The following CCSER1 variants were observed in gnomAD, a reference collection of about 807,000 sequenced individuals.
CCSER1 encodes coiled-coil serine rich protein 1.
CCSER1 carries 41 observed loss-of-function variants against 82.0 expected under a neutral mutation model. The observed-to-expected ratio is 0.50, with a 90% CI of 0.39 to 0.65. The LOEUF (loss-of-function observed/expected upper bound fraction) is 0.65. CCSER1 is among the 30% of genes least tolerant of loss of function. The pLI is 0.00. For missense variants in CCSER1, 1,119 were observed against 1,064.2 expected, an observed-to-expected ratio of 1.05 and a Z score of -0.72; for synonymous variants, 414 against 383.9, an observed-to-expected ratio of 1.08 and a Z score of -0.92.
At chr4:90,315,854 A>G (rs945197085) in intron 3 of CCSER1, among the ~76,000 whole-genome samples, 1 of 152,226 alleles carries the variant, frequency 6.6e-6, no homozygotes, top group Admixed American at 6.5e-5. Flanking sequence ...TATGTTTTTT[A>G]ACTTGTAGCA....
intron 5 of CCSER1, among the ~76,000 whole-genome samples, chr4:90,497,369 T>C (rs552762005): frequency 2.6e-5 from 4 of 152,320 alleles, no homozygotes; most frequent in Admixed American, 1.3e-4. Context: ...TCCTATATTA[T>C]GCTATGAAGA....
chr4:90,548,623 G>A (rs1338868757), intron 5 of CCSER1, among the ~76,000 whole-genome samples: 1 of 151,808 alleles, frequency 6.6e-6, no homozygotes, highest in Non-Finnish European at 1.5e-5. Context: ...CTAGTGAGTG[G>A]TAGGACCTGG....
chr4:90,686,894 G>C (rs1734901828), intron 6 of CCSER1, among the ~76,000 whole-genome samples: 1 of 152,116 alleles, frequency 6.6e-6, no homozygotes, highest in South Asian at 2.1e-4. Context: ...TCGGCATCAG[G>C]ATGCTTCTGT....
intron 10 of CCSER1, among the ~76,000 whole-genome samples, chr4:91,185,656 T>TTTG (rs1734467418): frequency 6.6e-6 from 1 of 152,238 alleles, no homozygotes; most frequent in Admixed American, 6.5e-5. Context: ...TTCCCTTCTT[T>TTTG]ATCAAACTTA....
chr4:90,413,829 G>C (rs1268589427), intron 4 of CCSER1, among the ~76,000 whole-genome samples: 1 of 148,080 alleles, frequency 6.8e-6, no homozygotes, highest in Admixed American at 6.7e-5. Flanking sequence ...GGCGCCTGTA[G>C]TTCCAGCTAC....
intron 1 of CCSER1, among the ~76,000 whole-genome samples, chr4:90,169,067 A>T (rs1731117231): frequency 6.6e-6 from 1 of 152,074 alleles, no homozygotes; most frequent in Non-Finnish European, 1.5e-5. Flanking sequence ...TACCTTGGGC[A>T]GTATGGCCAT....
intron 9 of CCSER1, among the ~76,000 whole-genome samples, chr4:91,048,670 CATG>C (rs1252921365): frequency 2.0e-5 from 3 of 152,140 alleles, no homozygotes; most frequent in Non-Finnish European, 4.4e-5. Context: ...CTCCTTCACT[CATG>C]ATCGGCATAT....
At chr4:90,576,267 A>G (rs1019963499) in intron 5 of CCSER1, among the ~76,000 whole-genome samples, 13 of 152,130 alleles carry the variant, frequency 8.5e-5, no homozygotes, top group Non-Finnish European at 1.5e-5. Context: ...AGATGGTACA[A>G]AAATTTCCCA....
intron 8 of CCSER1, among the ~76,000 whole-genome samples, chr4:90,919,087 A>G (rs1727983133): frequency 9.4e-6 from 1 of 106,470 alleles, no homozygotes; most frequent in African/African-American, 5.2e-5. Flanking sequence ...TTGTTTCCAC[A>G]GTAAAAAAAA....
intron 5 of CCSER1, among the ~76,000 whole-genome samples, chr4:90,604,980 G>C (rs989142676): frequency 6.7e-6 from 1 of 150,006 alleles, no homozygotes; most frequent in South Asian, 2.1e-4. Flanking sequence ...GCCCCAGCCA[G>C]CAGCGGCAAC....
In CCSER1 at chr4:90,430,031, TAG is replaced by T. The variant is rs559460414; in HGVS notation, c.1603+29904_1603+29905del. Among the ~76,000 whole-genome samples, 595 of 151,940 alleles carry T rather than the reference TAG, an allele frequency of 3.9e-3. 3 individuals are homozygous for T. The highest frequency in any genetic ancestry group is 0.013 in the African/African-American group (543 of 41,538). Reference sequence around the variant, plus strand: ...ACCTGATGTTCGTAGAATATACAGGTAGACTTTAAGTCCGCTCAAAAATCTAA... The same window carrying T: ...ACCTGATGTTCGTAGAATATACAGGTACTTTAAGTCCGCTCAAAAATCTAA... On this transcript the variant is annotated intron_variant, in intron 4 of 10. Transcript: ENST00000509176.
intron 8 of CCSER1, among the ~76,000 whole-genome samples, chr4:90,816,834 GAT>G (rs1378755071): frequency 6.6e-6 from 1 of 152,092 alleles, no homozygotes; most frequent in Non-Finnish European, 1.5e-5. Flanking sequence ...ATATTAGTGA[GAT>G]ATTGGAGAAA....
At chr4:90,152,961 T>C (rs937661686) in intron 1 of CCSER1, among the ~76,000 whole-genome samples, 4 of 151,496 alleles carry the variant, frequency 2.6e-5, no homozygotes, top group African/African-American at 9.7e-5. Flanking sequence ...TGTATACATG[T>C]GCCATGCTGC....
At chr4:91,092,133 C>G (rs1724027591) in intron 10 of CCSER1, among the ~76,000 whole-genome samples, 2 of 152,152 alleles carry the variant, frequency 1.3e-5, no homozygotes, top group African/African-American at 2.4e-5. Flanking sequence ...TTTCCCTAAA[C>G]TATTTTTGAT....
chr4:90,773,501 G>A (rs887472379), intron 7 of CCSER1, among the ~76,000 whole-genome samples: 2 of 152,086 alleles, frequency 1.3e-5, no homozygotes, highest in Non-Finnish European at 2.9e-5. Context: ...AGTGATGATG[G>A]TTAGGTTTGT....
chr4:91,210,816 A>G (rs1444448078), intron 10 of CCSER1, among the ~76,000 whole-genome samples: 1 of 151,902 alleles, frequency 6.6e-6, no homozygotes, highest in East Asian at 1.9e-4. Flanking sequence ...TCTGAGGATT[A>G]GGTGATAGTA....
In CCSER1 at chr4:90,308,566, A is replaced by G; in HGVS notation, c.282A>G (p.Gln94=). 1 of 1,613,970 alleles carries G rather than the reference A, an allele frequency of 6.2e-7. No individual in the cohort carries two copies. Among genetic ancestry groups the G allele is most frequent in the Non-Finnish European group, 8.5e-7 (1 of 1,179,862 alleles). ...ACCTTAGTATTTCAAATGGTGCTCA[A>G]CCTGGTCACAGCAATATGCAGAAAC... ...NQNLSISNGA[Q]PGHSNMQKLS... The change falls in exon 2 of 11, where the codon CAA becomes CAG. Residue 94 remains glutamine (Q), a synonymous_variant. Transcript: ENST00000509176.
chr4:90,345,181 C>T (rs1048713855), intron 3 of CCSER1, among the ~76,000 whole-genome samples: 1 of 152,036 alleles, frequency 6.6e-6, no homozygotes, highest in Non-Finnish European at 1.5e-5. Context: ...TTAATACAAA[C>T]ATTTAACAGA....
intron 10 of CCSER1, among the ~76,000 whole-genome samples, chr4:91,302,595 C>A (rs1294297766): frequency 6.6e-6 from 1 of 152,090 alleles, no homozygotes; most frequent in African/African-American, 2.4e-5. Flanking sequence ...TTGAAATTCT[C>A]CTATGGCTTA....
Sources: gnomAD v4.1 joint callset for allele counts (sites outside exome capture counted in the v4.1 genomes callset) on GRCh38, gnomAD v4.1.1 for gene constraint, MANE v1.5 for transcripts, NCBI Gene and HGNC (gene_info 2026-07-23, HGNC 2026-07-21) for gene names.